The following ATRX variants were observed in gnomAD, a reference collection of about 807,000 sequenced individuals.
The protein encoded by ATRX is chromatin remodeler ATRX.
In ATRX, 12 loss-of-function variants were observed where a neutral mutation model predicts 172.6. That is an observed-to-expected ratio of 0.07 (90% CI 0.04 to 0.11). The LOEUF is 0.11. ATRX is among the 10% of genes least tolerant of loss of function. The pLI, the probability that ATRX is intolerant of heterozygous loss-of-function variation, is 1.00. For missense variants in ATRX, 1,368 were observed against 1,767.4 expected (o/e 0.77, Z 4.05); for synonymous variants, 674 against 594.7 (o/e 1.13, Z -1.94).
intron 1 of ATRX, among the ~76,000 whole-genome samples, chrX:77,765,507 GTGTTATA>G (rs1557194976): frequency 1.7e-4 from 19 of 111,094 alleles, no homozygotes; most frequent in Non-Finnish European, 2.1e-4. Context: ...TCTTACAGAA[GTGTTATA>G]AAATACACAG....
intron 2 of ATRX, among the ~76,000 whole-genome samples, chrX:77,710,720 T>G (rs186246056): frequency 4.1e-4 from 46 of 111,460 alleles, no homozygotes; most frequent in Non-Finnish European, 3.4e-4. Flanking sequence ...TAAACTCCAT[T>G]TATTTAACAT....
At chrX:77,725,295 CAG>C (rs1282836604) in intron 1 of ATRX, among the ~76,000 whole-genome samples, 1 of 111,582 alleles carries the variant, frequency 9.0e-6, no homozygotes, top group Non-Finnish European at 1.9e-5. Context: ...TGGAACAAAA[CAG>C]AGCCCTCAGA....
intron 15 of ATRX, among the ~76,000 whole-genome samples, chrX:77,645,052 C>G (rs1275271542): frequency 1.8e-5 from 2 of 111,377 alleles, no homozygotes; most frequent in Admixed American, 1.9e-4. Flanking sequence ...AGATCATCAC[C>G]TAATTTCTCA....
chrX:77,647,981 G>A (rs781984657), intron 15 of ATRX, among the ~76,000 whole-genome samples: 2 of 111,621 alleles, frequency 1.8e-5, no homozygotes, highest in Non-Finnish European at 3.8e-5. Flanking sequence ...TGATGATGTC[G>A]TTACCATTAT....
intron 27 of ATRX, among the ~76,000 whole-genome samples, chrX:77,588,261 T>A (rs1408445465): frequency 8.9e-6 from 1 of 112,119 alleles, no homozygotes; most frequent in Non-Finnish European, 1.9e-5. Flanking sequence ...CCTCATATCA[T>A]GCATAAAAAT....
intron 27 of ATRX, among the ~76,000 whole-genome samples, chrX:77,578,564 G>A (rs967542766): frequency 1.8e-5 from 2 of 112,047 alleles, no homozygotes; most frequent in Non-Finnish European, 3.8e-5. Context: ...GCCTTGAATC[G>A]AGGGACCCAG....
At chrX:77,736,302 T>C (rs1557179060) in intron 1 of ATRX, among the ~76,000 whole-genome samples, 1 of 111,891 alleles carries the variant, frequency 8.9e-6, no homozygotes, top group Non-Finnish European at 1.9e-5. Context: ...GAGAAAGTAT[T>C]TGCAAACTAT....
At chrX:77,737,433 A>C (rs1448857646) in intron 1 of ATRX, among the ~76,000 whole-genome samples, 8 of 54,504 alleles carry the variant, frequency 1.5e-4, no homozygotes, top group Non-Finnish European at 2.1e-4. Context: ...CAAAAAAAAA[A>C]AAGGGGGGGG....
chrX:77,747,084 C>T, intron 1 of ATRX, among the ~76,000 whole-genome samples: 1 of 111,159 alleles, frequency 9.0e-6, no homozygotes, highest in Admixed American at 9.6e-5. Context: ...CAGGCGTGAG[C>T]CACCGCGCCC....
intron 2 of ATRX, among the ~76,000 whole-genome samples, chrX:77,704,727 C>T (rs1557155949): frequency 8.9e-6 from 1 of 112,506 alleles, no homozygotes; most frequent in African/African-American, 3.2e-5. Flanking sequence ...GATACCTGGC[C>T]AGGCTACGAC....
At chrX:77,681,356 AAAAT>A (rs1557136667) in intron 9 of ATRX, among the ~76,000 whole-genome samples, 160 bp downstream of exon 9, 1 of 112,148 alleles carries the variant, frequency 8.9e-6, no homozygotes. Context: ...TGGCAGCATA[AAAAT>A]AAATAGGGAA....
chrX:77,530,477 C>G (rs1299714595), intron 30 of ATRX, among the ~76,000 whole-genome samples: 1 of 110,696 alleles, frequency 9.0e-6, no homozygotes, highest in Non-Finnish European at 1.9e-5. Flanking sequence ...GGCGTGGTGG[C>G]AGGTACCTGT....
Position 77,785,973 on chromosome X carries a change from G to T in ATRX, c.20+9C>A. ...CCGCTGGGGCCCATGAGACGGGGTT[G>T]CGTTTTACCTCATGGGCTCAGCGGT... On this transcript the variant is annotated intron_variant, in intron 1 of 34. Transcript: ENST00000373344. The T allele has an allele frequency of 8.4e-7, 1 of 1,193,674 alleles. No homozygotes were observed. Among genetic ancestry groups the T allele is most frequent in the Non-Finnish European group, 1.1e-6 (1 of 886,467 alleles).
chrX:77,672,689 G>GAA (rs782399582), intron 10 of ATRX, among the ~76,000 whole-genome samples: 42 of 107,290 alleles, frequency 3.9e-4, no homozygotes, highest in African/African-American at 1.3e-3. Flanking sequence ...TCGCTTCTAT[G>GAA]AAAAAAAAAG....
intron 1 of ATRX, among the ~76,000 whole-genome samples, chrX:77,736,520 C>T (rs1440771210): frequency 8.9e-6 from 1 of 112,329 alleles, no homozygotes; most frequent in Admixed American, 9.4e-5. Flanking sequence ...CATGAGATAC[C>T]ATCTTGCCTG....
At chrX:77,687,742 G>T (rs980174629) in intron 7 of ATRX, among the ~76,000 whole-genome samples, 2 of 111,968 alleles carry the variant, frequency 1.8e-5, no homozygotes, top group Non-Finnish European at 1.9e-5. Context: ...AATTGCTAAA[G>T]AACAAAGTAC....
chrX:77,524,747 C>CT (rs781866146), intron 30 of ATRX, among the ~76,000 whole-genome samples: 201 of 95,245 alleles, frequency 2.1e-3, no homozygotes, highest in South Asian at 7.6e-3. Context: ...CTTTATAATT[C>CT]TTTTTTTTTT....
chrX:77,731,715 G>A (rs782488361), intron 1 of ATRX, among the ~76,000 whole-genome samples: 8 of 110,943 alleles, frequency 7.2e-5, no homozygotes, highest in African/African-American at 9.8e-5. Flanking sequence ...GCTTAATTTC[G>A]GAGAGAAGAT....
chrX:77,535,123 C>T (rs782467521), intron 30 of ATRX, among the ~76,000 whole-genome samples: 20 of 112,176 alleles, frequency 1.8e-4, no homozygotes, highest in Non-Finnish European at 3.6e-4. Context: ...TTTGAAGGTT[C>T]TTTCTTCCCA....
Sources: allele counts gnomAD v4.1 joint callset (sites outside exome capture counted in the v4.1 genomes callset), GRCh38; gene constraint gnomAD v4.1.1; transcripts MANE v1.5; gene names NCBI Gene and HGNC (gene_info 2026-07-23, HGNC 2026-07-21).